Variants in FERMT1 observed in about 807,000 individuals in gnomAD.
FERMT1 encodes the protein FERM domain containing kindlin 1.
In FERMT1, 60 loss-of-function variants were observed where a neutral mutation model predicts 85.3. The ratio of observed to expected loss-of-function variants is 0.70; its 90% CI spans 0.57 to 0.87. FERMT1 has a LOEUF of 0.87. FERMT1 is among the 40% of genes least tolerant of loss of function. FERMT1 has a pLI of 0.00. For synonymous variants in FERMT1, 275 were observed against 301.1 expected, an observed-to-expected ratio of 0.91 and a Z score of 0.90; for missense variants, 701 against 818.9, an observed-to-expected ratio of 0.86 and a Z score of 1.76.
chr20:6,097,729 T>C, intron 6 of FERMT1, 98 bp from the exon 7 acceptor site: 1 of 852,672 alleles, frequency 1.2e-6, no homozygotes, highest in Non-Finnish European at 2.0e-6. Context: ...GTTAATCAGA[T>C]GCAGCAAACT....
At chr20:6,121,890 C>A (rs142003254) in intron 1 of FERMT1, among the ~76,000 whole-genome samples, 2 of 152,348 alleles carry the variant, frequency 1.3e-5, no homozygotes, top group Admixed American at 1.3e-4. Context: ...TCTATCAACA[C>A]AAATCTTGCG....
At chr20:6,119,324 A>T in intron 2 of FERMT1, 80 bp downstream of exon 2, 1 of 1,390,184 alleles carries the variant, frequency 7.2e-7, no homozygotes, top group South Asian at 1.2e-5. Context: ...AATGATCAGA[A>T]AAACCTACAC....
chr20:6,078,600 C>T (rs1403553972), intron 14 of FERMT1, among the ~76,000 whole-genome samples: 1 of 151,408 alleles, frequency 6.6e-6, no homozygotes, highest in African/African-American at 2.4e-5. Flanking sequence ...GCTGAAACTA[C>T]AGGTGCACAC....
chr20:6,110,210 C>G, intron 5 of FERMT1, 88 bp downstream of exon 5: 1 of 1,148,412 alleles, frequency 8.7e-7, no homozygotes, highest in Non-Finnish European at 1.3e-6. Context: ...AATCCCTAGG[C>G]CTACCAACTT....
intron 13 of FERMT1, among the ~76,000 whole-genome samples, chr20:6,080,674 A>T (rs1981969716): frequency 6.6e-6 from 1 of 152,154 alleles, no homozygotes; most frequent in Admixed American, 6.5e-5. Context: ...TATGGGCAGG[A>T]TGTTGGTGTA....
chr20:6,082,923 G>T (rs1600425598), intron 13 of FERMT1, among the ~76,000 whole-genome samples: 2 of 152,146 alleles, frequency 1.3e-5, no homozygotes, highest in South Asian at 4.2e-4. Context: ...GCCTCCCAAA[G>T]TGCTAGGATT....
chr20:6,111,448 A>G (rs1982947114), intron 4 of FERMT1, among the ~76,000 whole-genome samples: 1 of 152,126 alleles, frequency 6.6e-6, no homozygotes. Context: ...CCTGGCCAAC[A>G]TGGCAAAACC....
At chr20:6,107,868 G>C (rs1448239035) in intron 5 of FERMT1, among the ~76,000 whole-genome samples, 1 of 152,048 alleles carries the variant, frequency 6.6e-6, no homozygotes, top group Admixed American at 6.6e-5. Context: ...GTTCTGCTTT[G>C]TTTTGTTTTG....
At chr20:6,098,615 G>T (rs1982571837) in intron 6 of FERMT1, among the ~76,000 whole-genome samples, 1 of 151,734 alleles carries the variant, frequency 6.6e-6, no homozygotes, top group Non-Finnish European at 1.5e-5. Flanking sequence ...TTTTACACCA[G>T]CAGGGGAAGG....
intron 6 of FERMT1, among the ~76,000 whole-genome samples, chr20:6,098,767 C>T (rs941296127): frequency 2.0e-5 from 3 of 152,082 alleles, no homozygotes; most frequent in African/African-American, 7.2e-5. Context: ...CAATAAGATA[C>T]TACTTCACAC....
intron 6 of FERMT1, among the ~76,000 whole-genome samples, chr20:6,101,509 C>A (rs997326756): frequency 1.3e-5 from 2 of 152,118 alleles, no homozygotes; most frequent in African/African-American, 4.8e-5. Context: ...AAAATCTATT[C>A]AAAAATATGT....
At chr20:6,096,750 C>T in intron 8 of FERMT1, 152 bp downstream of exon 8, 1 of 793,490 alleles carries the variant, frequency 1.3e-6, no homozygotes, top group Non-Finnish European at 2.0e-6. Flanking sequence ...AAAGTTAGTT[C>T]ACTAGGTTGA....
At position 6,122,755 on chromosome 20, in the gene FERMT1, C is replaced by G. The variant is rs2123163141; in HGVS notation, c.-19+19G>C. The G allele has an allele frequency of 6.6e-6, 1 of 152,610 alleles. No homozygotes were observed. Among genetic ancestry groups the G allele is most frequent in the East Asian group, 1.9e-4 (1 of 5,192 alleles). The allele number at this position is 152,610 out of a possible 1,614,324, so 9.5% of individuals were successfully genotyped here. ...CCTCCCAACCTCTAGCTCCCCAGCCCTAGCTCCGGAGCACCCACCTCCTTT... is the reference window on the plus strand; with the variant it reads ...CCTCCCAACCTCTAGCTCCCCAGCCGTAGCTCCGGAGCACCCACCTCCTTT... On this transcript the variant is annotated intron_variant, in intron 1 of 14. Coordinates refer to ENST00000217289, the MANE Select transcript of FERMT1 (RefSeq NM_017671.5).
At chr20:6,077,476 C>T (rs747704807) in intron 14 of FERMT1, 130 bp from the exon 15 acceptor site, 26 of 819,346 alleles carry the variant, frequency 3.2e-5, no homozygotes, top group Non-Finnish European at 5.0e-5. Context: ...CTCTAAAACA[C>T]ACAGAAAACC....
chr20:6,079,577 T>C lies in FERMT1; in HGVS notation c.1719A>G (p.Arg573=). 1 of 1,613,354 alleles carries C rather than the reference T, an allele frequency of 6.2e-7. No individual in the cohort carries two copies. The highest frequency in any genetic ancestry group is 8.5e-7 in the Non-Finnish European group (1 of 1,179,306). The change falls in exon 14 of 15, where the codon AGA becomes AGG. Residue 573 remains arginine (R), a splice_region_variant and synonymous_variant. Coordinates refer to ENST00000217289, the MANE Select transcript of FERMT1 (RefSeq NM_017671.5). Reference sequence around the variant, plus strand: ...TGTCATCTTTTTTGCTTCCTTTAAATCTGAAAAGAATCATAATATTAGTTA... The same window carrying C: ...TGTCATCTTTTTTGCTTCCTTTAAACCTGAAAAGAATCATAATATTAGTTA... ...PEFGLTYYLV[R]FKGSKKDDIL...
Position 6,079,417 on chromosome 20 carries a change from G to C in FERMT1, c.1860+19C>G, listed in dbSNP as rs1568652044. The C allele has an allele frequency of 6.2e-7, 1 of 1,613,648 alleles. No individual in the cohort carries two copies. The highest frequency in any genetic ancestry group is 1.3e-5 in the African/African-American group (1 of 74,856). ...ACATTTATAGGCTCAACACTGAAGA[G>C]CAAAAACTTTCACTTTACCTGCCGG... On this transcript the variant is annotated intron_variant, in intron 14 of 14. Coordinates refer to ENST00000217289, the MANE Select transcript of FERMT1 (RefSeq NM_017671.5).
At chr20:6,084,296 C>A in intron 12 of FERMT1, 132 bp from the exon 13 acceptor site, 1 of 968,166 alleles carries the variant, frequency 1.0e-6, no homozygotes, top group Non-Finnish European at 1.6e-6. Flanking sequence ...AATCCATTCT[C>A]ATCCATTCAT....
chr20:6,121,599 T>C (rs1983278779), intron 1 of FERMT1, among the ~76,000 whole-genome samples: 1 of 152,252 alleles, frequency 6.6e-6, no homozygotes, highest in African/African-American at 2.4e-5. Context: ...GACTGTATGA[T>C]GTGCTCTGTG....
At chr20:6,078,295 A>T (rs1266652821) in intron 14 of FERMT1, among the ~76,000 whole-genome samples, 3 of 152,192 alleles carry the variant, frequency 2.0e-5, no homozygotes, top group African/African-American at 7.2e-5. Context: ...TAATCTCTGA[A>T]CTTGATTTTA....
Sources: allele counts gnomAD v4.1 joint callset (sites outside exome capture counted in the v4.1 genomes callset), GRCh38; gene constraint gnomAD v4.1.1; transcripts MANE v1.5; gene names NCBI Gene and HGNC (gene_info 2026-07-23, HGNC 2026-07-21).